Variants in TNR observed in about 807,000 individuals in gnomAD.
TNR encodes the protein tenascin-R.
Under a neutral mutation model 150.4 loss-of-function variants are expected in TNR, and 45 were observed. The observed-to-expected ratio is 0.30, with a 90% CI of 0.24 to 0.38. The LOEUF is 0.38. TNR is among the 10% of genes least tolerant of loss of function. The probability of loss-of-function intolerance (pLI) is 1.00; values close to 1 mark genes in which losing one functional copy is unlikely to be tolerated. For synonymous variants in TNR, 687 were observed against 678.4 expected (o/e 1.01, Z -0.20); for missense variants, 1,544 against 1,759.1 (o/e 0.88, Z 2.19).
At chr1:175,357,889 T>G (rs2861280) in intron 15 of TNR, among the ~76,000 whole-genome samples, 114,245 of 152,172 alleles carry the variant, frequency 0.75, 43,119 homozygotes, top group East Asian at 0.81. Flanking sequence ...TGGCACATGG[T>G]AGGGCATCAA....
chr1:175,362,210 C>T (rs533981939), intron 14 of TNR, among the ~76,000 whole-genome samples: 5 of 152,108 alleles, frequency 3.3e-5, no homozygotes, highest in Non-Finnish European at 5.9e-5. Flanking sequence ...CTCCCTGGAG[C>T]ACAAAGCAAG....
At chr1:175,694,650 G>A (rs562126573) in intron 1 of TNR, among the ~76,000 whole-genome samples, 244 of 152,330 alleles carry the variant, frequency 1.6e-3, no homozygotes, top group African/African-American at 5.6e-3. Flanking sequence ...TACTTGGAAT[G>A]TGATCTTATT....
chr1:175,696,828 G>A (rs1328576330), intron 1 of TNR, among the ~76,000 whole-genome samples: 1 of 148,770 alleles, frequency 6.7e-6, no homozygotes, highest in Non-Finnish European at 1.5e-5. Flanking sequence ...ACAGTGGGCC[G>A]AGATCGTGCC....
In TNR at chr1:175,659,897, ATTTT is replaced by A. The variant is rs34472359; in HGVS notation, c.-165+83325_-165+83328del. Among the ~76,000 whole-genome samples the A allele has an allele frequency of 6.3e-5, 7 of 111,768 alleles. No individual in the cohort carries two copies. The East Asian group carries it at 7.8e-4, about 12-fold the overall frequency. 73.3% of individuals were successfully genotyped at this position (111,768 alleles called of 152,430 possible). ...TTTTACATGAAGTCCTTTGGGTGTC[ATTTT>A]TTTTTTTTTTTTTTTGCCTTCATCG... is the stretch of plus-strand genomic sequence containing the variant. On this transcript the variant is annotated intron_variant, in intron 1 of 22. Coordinates refer to ENST00000367674, the MANE Select transcript of TNR (RefSeq NM_003285.3).
chr1:175,422,809 C>T (rs1397338157), intron 2 of TNR, among the ~76,000 whole-genome samples: 1 of 152,238 alleles, frequency 6.6e-6, no homozygotes, highest in African/African-American at 2.4e-5. Context: ...CTGGATTACA[C>T]AGGCCCTATT....
chr1:175,347,481 G>A (rs917101967), intron 18 of TNR, among the ~76,000 whole-genome samples: 1 of 152,218 alleles, frequency 6.6e-6, no homozygotes, highest in Non-Finnish European at 1.5e-5. Flanking sequence ...AGGTTGGAGT[G>A]CAGTGGTGTC....
intron 2 of TNR, among the ~76,000 whole-genome samples, chr1:175,410,282 C>A (rs994580885): frequency 2.0e-5 from 3 of 152,184 alleles, no homozygotes; most frequent in African/African-American, 2.4e-5. Flanking sequence ...GCCTTGTAAA[C>A]CCCTGTAAGT....
chr1:175,500,033 C>T lies in TNR; in HGVS notation c.-64+28236G>A, dbSNP rs1049295466. 5.3e-5 allele frequency among the ~76,000 whole-genome samples: 8 copies of T among 152,180 alleles called. No homozygotes were observed. The South Asian group carries it at 6.2e-4, about 12-fold the overall frequency. On this transcript the variant is annotated intron_variant, in intron 2 of 22. Transcript: ENST00000367674. Reference sequence around the variant, plus strand: ...ACTTGCCTCATGTCTCTCCTGCCCCCGCATATGATGATAATTCTTGTTCCA... The same window carrying T: ...ACTTGCCTCATGTCTCTCCTGCCCCTGCATATGATGATAATTCTTGTTCCA...
At chr1:175,458,218 A>G (rs1400303639) in intron 2 of TNR, among the ~76,000 whole-genome samples, 1 of 152,246 alleles carries the variant, frequency 6.6e-6, no homozygotes, top group East Asian at 1.9e-4. Context: ...CTTGCAAGTC[A>G]TTAGAAGGTC....
chr1:175,685,013 C>T (rs116308229), intron 1 of TNR, among the ~76,000 whole-genome samples: 2,255 of 152,102 alleles, frequency 0.015, 71 homozygotes, highest in African/African-American at 0.05. Context: ...TCCTTTTTTT[C>T]ATCAAGGGGG....
At chr1:175,527,365 T>G (rs1368352200) in intron 2 of TNR, among the ~76,000 whole-genome samples, 2 of 152,210 alleles carry the variant, frequency 1.3e-5, no homozygotes, top group African/African-American at 4.8e-5. Flanking sequence ...TGTTCTGGGC[T>G]GATTCAAACA....
rs1315368869 is a variant in TNR at position 175,363,801 on chromosome 1, T to C, written c.2614A>G (p.Ile872Val). The C allele has an allele frequency of 1.2e-6, 2 of 1,613,450 alleles. No homozygotes were observed. Among genetic ancestry groups the C allele is most frequent in the Non-Finnish European group, 1.7e-6 (2 of 1,179,702 alleles). ...ACTGAGTCCTTGGTCACATTGCTAA[T>C]TGTGATGTCTTTTGGGGGATCAATT... ...TGIDPPKDIT[I>V]SNVTKDSVMV... The change falls in exon 13 of 23, where the codon ATT becomes GTT. Residue 872 changes from isoleucine to valine, a missense_variant. Ile to Val is a conservative substitution (Grantham distance 29). Coordinates refer to ENST00000367674, the MANE Select transcript of TNR (RefSeq NM_003285.3).
chr1:175,742,497 T>A (rs1189652490), intron 1 of TNR, among the ~76,000 whole-genome samples: 2 of 152,082 alleles, frequency 1.3e-5, no homozygotes, highest in Non-Finnish European at 2.9e-5. Context: ...AAATGTAATA[T>A]AACCCACACC....
intron 7 of TNR, 74 bp downstream of exon 7, chr1:175,391,214 C>T: frequency 6.4e-7 from 1 of 1,564,634 alleles, no homozygotes; most frequent in Non-Finnish European, 8.7e-7. Context: ...TCTCTCCACT[C>T]CTTGGGCAAT....
At chr1:175,535,424 CTTTT>C (rs1660235796) in intron 1 of TNR, among the ~76,000 whole-genome samples, 1 of 150,500 alleles carries the variant, frequency 6.6e-6, no homozygotes, top group East Asian at 2.0e-4. Context: ...ATCTGTATTT[CTTTT>C]TTATTTATTT....
intron 1 of TNR, among the ~76,000 whole-genome samples, chr1:175,646,493 C>T (rs1245413173): frequency 6.6e-6 from 1 of 152,188 alleles, no homozygotes; most frequent in African/African-American, 2.4e-5. Flanking sequence ...CTCTTGTAGG[C>T]TTCTTACCCT....
At position 175,422,663 on chromosome 1, in the gene TNR, C is replaced by G. The variant is rs548350409; in HGVS notation, c.-63-15886G>C. On this transcript the variant is annotated intron_variant, in intron 2 of 22. Coordinates refer to ENST00000367674, the MANE Select transcript of TNR (RefSeq NM_003285.3). ...TAGCTCCAGGATTGTAGGTCTCCCC[C>G]CTAACCCCAGTTTCTCTTGATTACA... 5.9e-5 allele frequency among the ~76,000 whole-genome samples: 9 copies of G among 152,320 alleles called. 1 individual carries two copies. In the South Asian group the frequency reaches 1.0e-3, roughly 18 times the overall value.
chr1:175,664,414 T>C (rs1665469557), intron 1 of TNR, among the ~76,000 whole-genome samples: 1 of 152,026 alleles, frequency 6.6e-6, no homozygotes, highest in South Asian at 2.1e-4. Flanking sequence ...TGTAGGTAAG[T>C]AAAGGAAGGA....
intron 2 of TNR, among the ~76,000 whole-genome samples, chr1:175,509,069 G>T (rs1261195140): frequency 6.6e-6 from 1 of 152,138 alleles, no homozygotes; most frequent in Non-Finnish European, 1.5e-5. Flanking sequence ...CATTCTTCAA[G>T]AGTATTTATG....
Sources: allele counts gnomAD v4.1 joint callset (sites outside exome capture counted in the v4.1 genomes callset), GRCh38; gene constraint gnomAD v4.1.1; transcripts MANE v1.5; gene names NCBI Gene and HGNC (gene_info 2026-07-23, HGNC 2026-07-21).